Variants in HIBCH observed in about 807,000 individuals in gnomAD.
The protein encoded by HIBCH is 3-hydroxyisobutyryl-CoA hydrolase, also known as 3-hydroxyisobutyryl-CoA hydrolase, mitochondrial.
In HIBCH, 50 loss-of-function variants were observed where a neutral mutation model predicts 58.2. The ratio of observed to expected loss-of-function variants is 0.86; its 90% CI spans 0.68 to 1.09. The LOEUF is 1.09. Among genes scored for constraint, HIBCH ranks in the 50% least tolerant of loss-of-function variants. The pLI, the probability that HIBCH is intolerant of heterozygous loss-of-function variation, is 0.00. For missense variants in HIBCH, 450 were observed against 449.7 expected (o/e 1.00, Z -0.01); for synonymous variants, 151 against 146.9 (o/e 1.03, Z -0.20).
At chr2:190,267,194 C>T (rs1461046554) in intron 6 of HIBCH, among the ~76,000 whole-genome samples, 3 of 151,984 alleles carry the variant, frequency 2.0e-5, no homozygotes, top group Non-Finnish European at 4.4e-5. Context: ...AATCTCATGA[C>T]TTTTTGTTGT....
intron 1 of HIBCH, 35 bp from the exon 2 acceptor site, chr2:190,310,831 T>A (rs1395484643): frequency 6.8e-7 from 1 of 1,464,774 alleles, no homozygotes; most frequent in South Asian, 1.1e-5. Flanking sequence ...AGAACAGTAA[T>A]GTGGGTAGTC....
At chr2:190,241,012 T>G (rs1686438173) in intron 11 of HIBCH, among the ~76,000 whole-genome samples, 1 of 152,222 alleles carries the variant, frequency 6.6e-6, no homozygotes, top group Admixed American at 6.5e-5. Flanking sequence ...AGAGCTGAGT[T>G]CAAGTCCTGA....
At chr2:190,241,790 C>T (rs541749998) in intron 11 of HIBCH, among the ~76,000 whole-genome samples, 13 of 152,074 alleles carry the variant, frequency 8.5e-5, no homozygotes, top group Non-Finnish European at 1.6e-4. Flanking sequence ...GAATATTGGC[C>T]CCCACTCTCT....
At chr2:190,195,941 C>CTTTCTTTT (rs1689950116) in intron 1 of HIBCH, among the ~76,000 whole-genome samples, 1 of 86,210 alleles carries the variant, frequency 1.2e-5, no homozygotes, top group Non-Finnish European at 2.3e-5. Flanking sequence ...CTGTGTCCAG[C>CTTTCTTTT]TTTTTTTTTT....
Position 190,204,841 on chromosome 2 carries a change from G to T in HIBCH, c.*276C>A. 1 of 355,054 alleles carries T rather than the reference G, an allele frequency of 2.8e-6. No homozygotes were observed. The highest frequency in any genetic ancestry group is 5.2e-6 in the Non-Finnish European group (1 of 191,972). 22.0% of individuals were successfully genotyped at this position (355,054 alleles called of 1,614,324 possible). A position where few individuals can be genotyped will look rare whatever the true frequency, so the allele number is the denominator to read the frequency against. ...GACAGTAAATAATTAGGCTTTGTAG[G>T]CTTTACCATCTCTATTGCAACTACT... On this transcript the variant is annotated 3_prime_UTR_variant, in exon 14 of 14. Transcript: ENST00000359678.
At chr2:190,288,156 C>CT (rs369704911) in intron 5 of HIBCH, among the ~76,000 whole-genome samples, 2 of 141,692 alleles carry the variant, frequency 1.4e-5, no homozygotes, top group African/African-American at 5.3e-5. Context: ...AAGACCCTAT[C>CT]TTTTTTTTTT....
chr2:190,223,489 T>C (rs955611556), intron 11 of HIBCH, among the ~76,000 whole-genome samples: 2 of 152,186 alleles, frequency 1.3e-5, no homozygotes, highest in African/African-American at 2.4e-5. Flanking sequence ...GTCAGGATGG[T>C]AGGCGTGAAG....
At chr2:190,200,222 G>A (rs1267326705), downstream of HIBCH, 7 of 1,207,142 alleles carry the variant, frequency 5.8e-6, no homozygotes, top group Middle Eastern at 2.1e-4. Flanking sequence ...AAACTGGTGT[G>A]AAAAAGTACA....
intron 11 of HIBCH, among the ~76,000 whole-genome samples, chr2:190,221,033 G>T (rs926679541): frequency 5.9e-5 from 9 of 152,230 alleles, no homozygotes; most frequent in Non-Finnish European, 8.8e-5. Flanking sequence ...TCCTCAGTTG[G>T]TTATCAATTA....
chr2:190,271,438 C>T (rs1687399720), intron 6 of HIBCH, among the ~76,000 whole-genome samples: 1 of 151,728 alleles, frequency 6.6e-6, no homozygotes, highest in Admixed American at 6.6e-5. Flanking sequence ...TACAGGTGCG[C>T]ACCACTGGGC....
At chr2:190,309,117 A>G (rs1407638037) in intron 2 of HIBCH, among the ~76,000 whole-genome samples, 4 of 152,240 alleles carry the variant, frequency 2.6e-5, no homozygotes, top group Non-Finnish European at 5.9e-5. Flanking sequence ...ACTTGATTAC[A>G]TAGTAATAAA....
At chr2:190,316,727 A>G (rs527635301) in intron 1 of HIBCH, among the ~76,000 whole-genome samples, 3 of 152,322 alleles carry the variant, frequency 2.0e-5, no homozygotes, top group Admixed American at 6.5e-5. Context: ...ATTCAGGCTC[A>G]TGATTCCTAA....
At chr2:190,287,058 GTA>G (rs1553504915) in intron 6 of HIBCH, among the ~76,000 whole-genome samples, 2 of 147,788 alleles carry the variant, frequency 1.4e-5, no homozygotes, top group African/African-American at 5.1e-5. Flanking sequence ...GTGTGTGTGT[GTA>G]TACATATATT....
intron 11 of HIBCH, among the ~76,000 whole-genome samples, chr2:190,227,934 C>T (rs936957558): frequency 6.6e-6 from 1 of 152,130 alleles, no homozygotes; most frequent in Non-Finnish European, 1.5e-5. Flanking sequence ...GAAACAGGAA[C>T]ACTTTTACAT....
chr2:190,273,754 A>G (rs945462458), intron 6 of HIBCH, among the ~76,000 whole-genome samples: 3 of 152,202 alleles, frequency 2.0e-5, no homozygotes, highest in African/African-American at 7.2e-5. Context: ...GAAGTATACC[A>G]AACGAAGCTG....
At chr2:190,259,183 C>A (rs906164816) in intron 7 of HIBCH, among the ~76,000 whole-genome samples, 1 of 152,122 alleles carries the variant, frequency 6.6e-6, no homozygotes, top group Admixed American at 6.5e-5. Flanking sequence ...AGGGATTACA[C>A]TGAATCTGTA....
At chr2:190,229,415 T>A (rs1686022796) in intron 11 of HIBCH, among the ~76,000 whole-genome samples, 1 of 152,236 alleles carries the variant, frequency 6.6e-6, no homozygotes, top group South Asian at 2.1e-4. Flanking sequence ...CTCCTCTGAA[T>A]AAAGGCTGTA....
At chr2:190,290,589 T>C (rs1394106758) in intron 4 of HIBCH, 104 bp from the exon 5 acceptor site, 1 of 768,062 alleles carries the variant, frequency 1.3e-6, no homozygotes, top group Non-Finnish European at 2.2e-6. Flanking sequence ...AAGGGAGTAC[T>C]CTAAAATGAC....
chr2:190,199,038 G>A (rs1330283140), downstream of HIBCH, among the ~76,000 whole-genome samples: 3 of 152,284 alleles, frequency 2.0e-5, no homozygotes, highest in Middle Eastern at 3.4e-3. Context: ...TTGTTTAGAC[G>A]TGGCACTAGA....
Sources: gnomAD v4.1 joint callset for allele counts (sites outside exome capture counted in the v4.1 genomes callset) on GRCh38, gnomAD v4.1.1 for gene constraint, MANE v1.5 for transcripts, NCBI Gene and HGNC (gene_info 2026-07-23, HGNC 2026-07-21) for gene names.